CUL2: variants seen among roughly 807,000 people sequenced by gnomAD.
The protein encoded by CUL2 is cullin 2.
A neutral mutation model predicts 110.2 loss-of-function variants in CUL2; 22 were observed. The ratio of observed to expected loss-of-function variants is 0.20; its 90% CI spans 0.14 to 0.28. The LOEUF (loss-of-function observed/expected upper bound fraction) is 0.28. CUL2 is among the 10% of genes least tolerant of loss of function. The pLI, the probability that CUL2 is intolerant of heterozygous loss-of-function variation, is 1.00. For synonymous variants in CUL2, 279 were observed against 293.2 expected (o/e 0.95, Z 0.49); for missense variants, 631 against 905.5 (o/e 0.70, Z 3.89).
intron 2 of CUL2, among the ~76,000 whole-genome samples, chr10:35,069,048 T>C (rs2086612995): frequency 1.3e-5 from 2 of 152,216 alleles, no homozygotes; most frequent in Admixed American, 1.3e-4. Context: ...TTTGTATTTT[T>C]AGTAGAGACG....
At chr10:35,089,411 G>A (rs898805375) in intron 1 of CUL2, among the ~76,000 whole-genome samples, 4 of 152,216 alleles carry the variant, frequency 2.6e-5, no homozygotes, top group African/African-American at 9.7e-5. Flanking sequence ...TTACTACGAA[G>A]GTAGGCTTGG....
At chr10:35,071,489 C>A in intron 1 of CUL2, 150 bp from the exon 2 acceptor site, 1 of 615,970 alleles carries the variant, frequency 1.6e-6, no homozygotes, top group Non-Finnish European at 2.7e-6. Flanking sequence ...ACTGCAAGCT[C>A]CGCCTCCCAG....
intron 6 of CUL2, among the ~76,000 whole-genome samples, chr10:35,047,481 G>A (rs963425934): frequency 1.3e-5 from 2 of 150,968 alleles, no homozygotes; most frequent in Non-Finnish European, 1.5e-5. Flanking sequence ...GTGGTGGTGC[G>A]CGTCTGTAGT....
chr10:35,086,184 GT>G (rs35342564), intron 1 of CUL2, among the ~76,000 whole-genome samples: 19,027 of 150,698 alleles, frequency 0.13, 1,420 homozygotes, highest in Middle Eastern at 0.17. Context: ...GAGAGACTCT[GT>G]CTCAAAAAAA....
At chr10:35,021,826 T>C (rs1462874576) in intron 17 of CUL2, among the ~76,000 whole-genome samples, 1 of 91,016 alleles carries the variant, frequency 1.1e-5, no homozygotes, top group Non-Finnish European at 2.2e-5. Context: ...TGGGGTGAGG[T>C]GAGGCGAGGT....
intron 2 of CUL2, among the ~76,000 whole-genome samples, chr10:35,067,243 G>T (rs1019739411): frequency 6.6e-6 from 1 of 152,002 alleles, no homozygotes; most frequent in Non-Finnish European, 1.5e-5. Flanking sequence ...TTGAGGGAAG[G>T]CAATATTAAG....
At chr10:35,035,101 T>C in intron 10 of CUL2, 71 bp downstream of exon 10, 1 of 1,545,164 alleles carries the variant, frequency 6.5e-7, no homozygotes, top group Non-Finnish European at 8.9e-7. Context: ...TTCAAAACAA[T>C]AAAGTCAAAG....
At chr10:35,087,510 A>G (rs1336435023) in intron 1 of CUL2, among the ~76,000 whole-genome samples, 1 of 152,038 alleles carries the variant, frequency 6.6e-6, no homozygotes, top group Non-Finnish European at 1.5e-5. Context: ...CTTATTTCCA[A>G]TCACCTACTT....
upstream of CUL2, among the ~76,000 whole-genome samples, chr10:35,091,378 C>T (rs757453589): frequency 5.9e-5 from 9 of 152,208 alleles, no homozygotes; most frequent in South Asian, 2.1e-4. Flanking sequence ...GAGCCTTCCT[C>T]CTCTTCTAAT....
chr10:35,113,127 G>A (rs1359747859), intron 1 of CUL2, among the ~76,000 whole-genome samples: 1 of 137,350 alleles, frequency 7.3e-6, no homozygotes, highest in Non-Finnish European at 1.5e-5. Flanking sequence ...AGATAGCAGT[G>A]AGCTGAGACC....
At chr10:35,057,877 C>T (rs955562372) in intron 4 of CUL2, among the ~76,000 whole-genome samples, 2 of 151,418 alleles carry the variant, frequency 1.3e-5, no homozygotes, top group East Asian at 2.0e-4. Context: ...GTGGATCACT[C>T]GAGGTCAGGA....
At chr10:35,020,967 T>G (rs993248452) in intron 17 of CUL2, among the ~76,000 whole-genome samples, 1 of 151,052 alleles carries the variant, frequency 6.6e-6, no homozygotes, top group Non-Finnish European at 1.5e-5. Context: ...TTATGGGTTT[T>G]TTTTTTTTTT....
chr10:35,103,034 T>G (rs1030903259), intron 1 of CUL2, among the ~76,000 whole-genome samples: 1 of 152,216 alleles, frequency 6.6e-6, no homozygotes, highest in Admixed American at 6.5e-5. Context: ...AAGAGCTCTC[T>G]AATTTAATGT....
chr10:35,056,624 GA>G (rs1200766591), intron 4 of CUL2, among the ~76,000 whole-genome samples: 1 of 151,944 alleles, frequency 6.6e-6, no homozygotes, highest in Non-Finnish European at 1.5e-5. Context: ...ACACAAAGAT[GA>G]AAAGCAAAAA....
At chr10:35,097,635 C>A (rs984926150) in intron 2 of CUL2, among the ~76,000 whole-genome samples, 10 of 152,058 alleles carry the variant, frequency 6.6e-5, no homozygotes, top group African/African-American at 2.4e-4. Context: ...CCTCCCCAAA[C>A]CCCTAAGCCC....
intron 16 of CUL2, 141 bp from the exon 17 acceptor site, chr10:35,025,339 C>A: frequency 8.0e-7 from 1 of 1,247,846 alleles, no homozygotes; most frequent in South Asian, 2.1e-5. Context: ...CCTTCTTTTA[C>A]AGAGGAGAAA....
At chr10:35,110,398 A>C (rs896059454) in intron 1 of CUL2, among the ~76,000 whole-genome samples, 3 of 151,196 alleles carry the variant, frequency 2.0e-5, no homozygotes, top group African/African-American at 7.3e-5. Context: ...ACCTGTCTCT[A>C]CCAAAAAAAT....
intron 10 of CUL2, among the ~76,000 whole-genome samples, chr10:35,033,558 A>G (rs2085532155): frequency 1.3e-5 from 2 of 151,820 alleles, no homozygotes; most frequent in South Asian, 4.2e-4. Context: ...AACACGGTGA[A>G]ACCCCGTCTC....
chr10:35,050,083 G>A (rs1203720556), intron 5 of CUL2, among the ~76,000 whole-genome samples: 1 of 152,106 alleles, frequency 6.6e-6, no homozygotes, highest in African/African-American at 2.4e-5. Context: ...AGCACTTTGG[G>A]AGGCCAAGGT....
Sources: allele counts gnomAD v4.1 joint callset (sites outside exome capture counted in the v4.1 genomes callset), GRCh38; gene constraint gnomAD v4.1.1; transcripts MANE v1.5; gene names NCBI Gene and HGNC (gene_info 2026-07-23, HGNC 2026-07-21).